Variants in ABCA5 observed in about 807,000 individuals in gnomAD.
The protein encoded by ABCA5 is ATP binding cassette subfamily A member 5.
Under a neutral mutation model 206.0 loss-of-function variants are expected in ABCA5, and 163 were observed. The observed-to-expected ratio is 0.79, with a 90% CI of 0.70 to 0.90. The LOEUF is 0.90. Among genes scored for constraint, ABCA5 ranks in the 40% least tolerant of loss-of-function variants. The pLI, the probability that ABCA5 is intolerant of heterozygous loss-of-function variation, is 0.00. For synonymous variants in ABCA5, 609 were observed against 613.8 expected, an observed-to-expected ratio of 0.99 and a Z score of 0.11; for missense variants, 1,859 against 1,912.9, an observed-to-expected ratio of 0.97 and a Z score of 0.53.
chr17:69,277,017 T>C (rs2075339779), intron 19 of ABCA5, among the ~76,000 whole-genome samples: 1 of 152,286 alleles, frequency 6.6e-6, no homozygotes, highest in East Asian at 1.9e-4. Flanking sequence ...CTTAACAAGA[T>C]AGGTGTGTGG....
intron 10 of ABCA5, among the ~76,000 whole-genome samples, chr17:69,295,791 T>C (rs569933413): frequency 5.4e-4 from 83 of 152,336 alleles, no homozygotes; most frequent in African/African-American, 2.0e-3. Context: ...CATTTGTTTT[T>C]GGTATTTCTA....
At chr17:69,252,875 T>C (rs2075032721) in intron 34 of ABCA5, among the ~76,000 whole-genome samples, 1 of 150,992 alleles carries the variant, frequency 6.6e-6, no homozygotes, top group Admixed American at 6.6e-5. Context: ...AACTAATTAG[T>C]ACTTTACAGG....
In ABCA5 at chr17:69,310,274, G is replaced by A. The variant is rs551012091; in HGVS notation, c.308-851C>T. The stretch of plus-strand genomic sequence containing the variant: ...TCAGCTTCTGGAGTAGAGCTTGGTC[G>A]ATAGTCACTCATCACCATGCCTGGC... On this transcript the variant is annotated intron_variant, in intron 3 of 38. Coordinates refer to ENST00000392676, the MANE Select transcript of ABCA5 (RefSeq NM_172232.4). Among the ~76,000 whole-genome samples, 19 of 152,060 alleles carry A rather than the reference G, an allele frequency of 1.2e-4. No homozygotes were observed. The South Asian group carries it at 3.1e-3, about 25-fold the overall frequency.
At chr17:69,315,674 T>A (rs772610853) in intron 1 of ABCA5, among the ~76,000 whole-genome samples, 1 of 151,466 alleles carries the variant, frequency 6.6e-6, no homozygotes, top group Admixed American at 6.6e-5. Flanking sequence ...TCCCAGCTAC[T>A]CAGGAGGCTG....
chr17:69,324,057 A>C (rs899681496), intron 1 of ABCA5, among the ~76,000 whole-genome samples: 2 of 152,194 alleles, frequency 1.3e-5, no homozygotes, highest in Non-Finnish European at 2.9e-5. Context: ...ACTGTCTGCA[A>C]ACCTAAAATA....
At chr17:69,304,460 G>GCTAAAT (rs1157159363) in intron 7 of ABCA5, 4 of 395,096 alleles carry the variant, frequency 1.0e-5, no homozygotes, top group Non-Finnish European at 1.8e-5. Context: ...TATGACAAAA[G>GCTAAAT]CTAAATCTAA....
In ABCA5 at chr17:69,281,227, T is replaced by C. The variant is rs191162806; in HGVS notation, c.2392+2726A>G. ...TATTAAAGAGAATGTACTAGTGAGA[T>C]AACTTTAGGAAGAACATTATAACTT... On this transcript the variant is annotated intron_variant, in intron 18 of 38. Transcript: ENST00000392676. Among the ~76,000 whole-genome samples the C allele has an allele frequency of 5.9e-5, 9 of 151,786 alleles. No individual in the cohort carries two copies. In the East Asian group the frequency reaches 1.7e-3, roughly 29 times the overall value.
chr17:69,298,858 A>G (rs1221146913), intron 9 of ABCA5, among the ~76,000 whole-genome samples: 1 of 152,234 alleles, frequency 6.6e-6, no homozygotes, highest in Non-Finnish European at 1.5e-5. Flanking sequence ...CTCCATAGCA[A>G]AAGAAATAAT....
At chr17:69,325,718 C>G (rs1016639112) in intron 1 of ABCA5, 3 of 152,170 alleles carry the variant, frequency 2.0e-5, no homozygotes, top group Admixed American at 6.5e-5. Context: ...GTGACACACG[C>G]CTGTAGCCCC....
Position 69,264,828 on chromosome 17 carries a change from G to T in ABCA5, c.3222C>A (p.Ile1074=). Residue 1074 remains isoleucine (I), a synonymous_variant, in exon 24 of 39, where the codon ATC becomes ATA. Coordinates refer to ENST00000392676, the MANE Select transcript of ABCA5 (RefSeq NM_172232.4). ...AAATAAGAATGATAAAAAATAAGGG[G>T]ATATCAACAACAGCTTGTCCAATCC... The part of the protein sequence containing the change: ...AYWIGQAVVD[I]PLFFIILILM... The T allele has an allele frequency of 6.3e-7, 1 of 1,599,742 alleles. No individual in the cohort carries two copies. Among genetic ancestry groups the T allele is most frequent in the South Asian group, 1.1e-5 (1 of 87,800 alleles).
intron 26 of ABCA5, 22 bp from the exon 27 acceptor site, chr17:69,260,434 A>T: frequency 7.0e-7 from 1 of 1,427,916 alleles, no homozygotes; most frequent in Non-Finnish European, 9.8e-7. Flanking sequence ...AGATTTGAAA[A>T]TATATACGCT....
At chr17:69,283,314 A>G (rs1453309769) in intron 18 of ABCA5, among the ~76,000 whole-genome samples, 1 of 152,126 alleles carries the variant, frequency 6.6e-6, no homozygotes, top group East Asian at 1.9e-4. Context: ...CTAGTTCAAG[A>G]TAGTATTAAC....
intron 37 of ABCA5, chr17:69,249,113 C>A (rs1042033872): frequency 6.6e-6 from 1 of 152,024 alleles, no homozygotes. Flanking sequence ...AAAAGTAAAC[C>A]CATTAATCCA....
chr17:69,282,244 C>T (rs2075401662), intron 18 of ABCA5, among the ~76,000 whole-genome samples: 5 of 152,192 alleles, frequency 3.3e-5, no homozygotes, highest in African/African-American at 1.2e-4. Context: ...TCCATTTCCA[C>T]TCTTTCATGA....
At chr17:69,272,328 G>C (rs976590709) in intron 20 of ABCA5, among the ~76,000 whole-genome samples, 2 of 151,996 alleles carry the variant, frequency 1.3e-5, no homozygotes, top group Non-Finnish European at 2.9e-5. Flanking sequence ...ACAGAGGCCA[G>C]TGGTTCAAAA....
chr17:69,319,370 T>C (rs1366248819), intron 1 of ABCA5, among the ~76,000 whole-genome samples: 1 of 152,174 alleles, frequency 6.6e-6, no homozygotes, highest in Non-Finnish European at 1.5e-5. Context: ...ATTCACAGAA[T>C]TTTTTGTTTT....
chr17:69,304,077 G>A (rs557643592), intron 7 of ABCA5: 4 of 150,682 alleles, frequency 2.7e-5, no homozygotes, highest in African/African-American at 7.3e-5. Flanking sequence ...AAAAAACCAG[G>A]CAATTACATA....
At chr17:69,254,264 T>C (rs777176745) in intron 32 of ABCA5, 51 bp downstream of exon 32, 2 of 1,446,956 alleles carry the variant, frequency 1.4e-6, no homozygotes, top group Non-Finnish European at 1.9e-6. Context: ...AAATATGAAA[T>C]GCAAACCTTT....
At chr17:69,263,882 G>A (rs1391303174) in intron 24 of ABCA5, among the ~76,000 whole-genome samples, 1 of 151,754 alleles carries the variant, frequency 6.6e-6, no homozygotes, top group Non-Finnish European at 1.5e-5. Context: ...ATTTCTAGTA[G>A]AGATGGTGTT....
Sources: gnomAD v4.1 joint callset for allele counts (sites outside exome capture counted in the v4.1 genomes callset) on GRCh38, gnomAD v4.1.1 for gene constraint, MANE v1.5 for transcripts, NCBI Gene and HGNC (gene_info 2026-07-23, HGNC 2026-07-21) for gene names.